Variants in ZBBX observed in about 807,000 individuals in gnomAD.
The protein encoded by ZBBX is zinc finger B-box domain containing.
ZBBX carries 101 observed loss-of-function variants against 108.5 expected under a neutral mutation model. That is an observed-to-expected ratio of 0.93 (90% CI 0.79 to 1.10). ZBBX has a LOEUF of 1.10. ZBBX is among the 50% of genes least tolerant of loss of function. The pLI is 0.00. For synonymous variants in ZBBX, 356 were observed against 323.4 expected (o/e 1.10, Z -1.08); for missense variants, 1,009 against 941.4 (o/e 1.07, Z -0.94).
intron 20 of ZBBX, among the ~76,000 whole-genome samples, chr3:167,247,374 C>T (rs1197958671): frequency 6.6e-6 from 1 of 152,140 alleles, no homozygotes; most frequent in Non-Finnish European, 1.5e-5. Context: ...ACCAAGCAGC[C>T]TAACTCTAGG....
At chr3:167,290,016 T>C (rs771595364) in intron 18 of ZBBX, among the ~76,000 whole-genome samples, 3 of 152,142 alleles carry the variant, frequency 2.0e-5, no homozygotes, top group Non-Finnish European at 4.4e-5. Context: ...AAAGCCACCA[T>C]GGCCAGATTG....
chr3:167,242,598 T>G lies in ZBBX; in HGVS notation c.2300A>C (p.Asp767Ala). ...LYSLTSEEFP[D>A]FSSQSLNISQ... is the part of the protein sequence containing the mutation. The stretch of plus-strand genomic sequence containing the variant: ...TATATTCAGTGATTGGCTGCTGAAA[T>G]CTGGGAACTCTTCTGAGGTTAAGCT... The change falls in exon 21 of 22, where the codon GAT (aspartate) becomes GCT (alanine). Residue 767 changes from aspartate (D) to alanine (A), a missense_variant. Physicochemically the swap from Asp to Ala is moderately radical, Grantham distance 126 (BLOSUM62 -2). Coordinates refer to ENST00000675490, the MANE Select transcript of ZBBX (RefSeq NM_001199201.2). 6 of 1,613,734 alleles carry G rather than the reference T, an allele frequency of 3.7e-6. No homozygotes were observed. The highest frequency in any genetic ancestry group is 5.1e-6 in the Non-Finnish European group (6 of 1,179,862).
At position 167,288,942 on chromosome 3, in the gene ZBBX, C is replaced by G; in HGVS notation, c.1921G>C (p.Ala641Pro). The G allele has an allele frequency of 6.5e-7, 1 of 1,543,944 alleles. No individual in the cohort carries two copies. The change falls in exon 19 of 22, where the codon GCT becomes CCT. Residue 641 changes from alanine to proline, a missense_variant. Ala to Pro is a conservative substitution (Grantham distance 27). Transcript: ENST00000675490. ...ACACCCAAGACAATTGCATTATCAG[C>G]ATATTCACTTAAGCTATGGTCTGGA... ...WIPDHSLSEY[A>P]DNAIVLGVLQ...
chr3:167,319,804 T>A (rs138731474), intron 12 of ZBBX, among the ~76,000 whole-genome samples: 1 of 151,980 alleles, frequency 6.6e-6, no homozygotes, highest in Admixed American at 6.6e-5. Flanking sequence ...TAGGGCTAAT[T>A]AATAAATATA....
At chr3:167,330,945 TTCTC>T (rs151154237) in intron 10 of ZBBX, among the ~76,000 whole-genome samples, 3 of 87,172 alleles carry the variant, frequency 3.4e-5, no homozygotes, top group Admixed American at 1.4e-4. Context: ...CTCTCTTTCT[TTCTC>T]TCTCTCTCTC....
At chr3:167,401,693 G>C (rs2108643506) in intron 1 of ZBBX, among the ~76,000 whole-genome samples, 1 of 152,150 alleles carries the variant, frequency 6.6e-6, no homozygotes, top group Admixed American at 6.5e-5. Flanking sequence ...GGTTTTAGTT[G>C]GCTTCTTTGA....
At chr3:167,246,834 A>G (rs1944807366) in intron 20 of ZBBX, among the ~76,000 whole-genome samples, 1 of 152,258 alleles carries the variant, frequency 6.6e-6, no homozygotes, top group Non-Finnish European at 1.5e-5. Flanking sequence ...TTATTTATAT[A>G]AAGCTATTTG....
intron 18 of ZBBX, among the ~76,000 whole-genome samples, 157 bp downstream of exon 18, chr3:167,298,148 T>C (rs1173498275): frequency 2.0e-5 from 3 of 152,074 alleles, no homozygotes; most frequent in Non-Finnish European, 4.4e-5. Context: ...GTTTCTCACA[T>C]TCTGATAGTA....
At chr3:167,185,554 T>C in the ZBBX span, among the ~76,000 whole-genome samples, 1 of 152,146 alleles carries the variant, frequency 6.6e-6, no homozygotes, top group Non-Finnish European at 1.5e-5. Context: ...AGAAAAGAGG[T>C]TATATTATTT....
the ZBBX span, among the ~76,000 whole-genome samples, chr3:167,186,391 G>T: frequency 6.6e-6 from 1 of 151,864 alleles, no homozygotes; most frequent in East Asian, 1.9e-4. Context: ...TTTGTAGGAA[G>T]GAAGGAAGGA....
intron 20 of ZBBX, among the ~76,000 whole-genome samples, chr3:167,268,877 T>C (rs964121929): frequency 3.9e-5 from 6 of 152,164 alleles, no homozygotes; most frequent in African/African-American, 1.2e-4. Flanking sequence ...CCGGAAACTA[T>C]ACCAGGTCCA....
At chr3:167,248,459 TC>T (rs1721979095) in intron 20 of ZBBX, 5 of 269,248 alleles carry the variant, frequency 1.9e-5, no homozygotes, top group Non-Finnish European at 3.1e-5. Context: ...TTTTTTTTTT[TC>T]CTCTTCTAAG....
At chr3:167,404,691 G>T (rs1157890695) in intron 1 of ZBBX, among the ~76,000 whole-genome samples, 1 of 152,194 alleles carries the variant, frequency 6.6e-6, no homozygotes, top group Non-Finnish European at 1.5e-5. Context: ...CACCTGGCTT[G>T]TTGGAAAATT....
chr3:167,365,659 T>C (rs953052569), intron 6 of ZBBX, among the ~76,000 whole-genome samples: 1 of 151,716 alleles, frequency 6.6e-6, no homozygotes, highest in Non-Finnish European at 1.5e-5. Flanking sequence ...TGTGGGAAAA[T>C]TCACTGCAAG....
At chr3:167,222,487 G>A in the ZBBX span, among the ~76,000 whole-genome samples, 43 of 151,874 alleles carry the variant, frequency 2.8e-4, no homozygotes, top group Non-Finnish European at 4.6e-4. Flanking sequence ...GGTACATTAC[G>A]ATGAATAAGA....
At chr3:167,239,669 T>C (rs900319204), downstream of ZBBX, among the ~76,000 whole-genome samples, 1 of 152,076 alleles carries the variant, frequency 6.6e-6, no homozygotes, top group Non-Finnish European at 1.5e-5. Flanking sequence ...CAGTCAACCA[T>C]AGGCTATTAG....
At position 167,287,070 on chromosome 3, in the gene ZBBX, T is replaced by C. The variant is rs570316577; in HGVS notation, c.1996+1797A>G. On this transcript the variant is annotated intron_variant, in intron 19 of 21. Coordinates refer to ENST00000675490, the MANE Select transcript of ZBBX (RefSeq NM_001199201.2). ...CCTAGTCTCTAATATCTTGCCAATC[T>C]ACACTTTTCAATAGCAAAGTCATTA... Among the ~76,000 whole-genome samples the C allele has an allele frequency of 3.6e-3, 551 of 152,212 alleles. 2 individuals are homozygous for C. Among genetic ancestry groups the C allele is most frequent in the Non-Finnish European group, 6.2e-3 (423 of 67,970 alleles).
chr3:167,246,732 T>C (rs1355688758), intron 20 of ZBBX, among the ~76,000 whole-genome samples: 1 of 152,238 alleles, frequency 6.6e-6, no homozygotes, highest in Non-Finnish European at 1.5e-5. Flanking sequence ...CCTAAATTTC[T>C]TCAGGCTACA....
At chr3:167,193,811 C>T in the ZBBX span, among the ~76,000 whole-genome samples, 3 of 152,062 alleles carry the variant, frequency 2.0e-5, no homozygotes, top group African/African-American at 7.2e-5. Context: ...TGAATAAAAT[C>T]TGGTCATTTG....
Sources: allele counts gnomAD v4.1 joint callset (sites outside exome capture counted in the v4.1 genomes callset), GRCh38; gene constraint gnomAD v4.1.1; transcripts MANE v1.5; gene names NCBI Gene and HGNC (gene_info 2026-07-23, HGNC 2026-07-21).